ARHGAP26: variants seen among roughly 807,000 people sequenced by gnomAD.
The protein encoded by ARHGAP26 is rho GTPase-activating protein 26.
In ARHGAP26, 38 loss-of-function variants were observed where a neutral mutation model predicts 104.8. That is an observed-to-expected ratio of 0.36 (90% CI 0.28 to 0.48). The LOEUF (loss-of-function observed/expected upper bound fraction) is 0.48, where lower values mean the gene tolerates loss of function less well. Ranked by LOEUF, ARHGAP26 falls within the 20% of genes least tolerant of loss-of-function variation. The pLI, the probability that ARHGAP26 is intolerant of heterozygous loss-of-function variation, is 0.99. For missense variants in ARHGAP26, 704 were observed against 947.9 expected (o/e 0.74, Z 3.38); for synonymous variants, 341 against 340.0 (o/e 1.00, Z -0.03).
intron 1 of ARHGAP26, among the ~76,000 whole-genome samples, chr5:142,795,618 C>T (rs947176449): frequency 3.3e-5 from 5 of 152,206 alleles, no homozygotes; most frequent in South Asian, 4.1e-4. Context: ...TTGCTTCCAG[C>T]CCCAAATTCC....
At chr5:143,197,189 C>G (rs1449461675) in intron 20 of ARHGAP26, among the ~76,000 whole-genome samples, 1 of 152,272 alleles carries the variant, frequency 6.6e-6, no homozygotes, top group Middle Eastern at 3.4e-3. Flanking sequence ...TAATACATGT[C>G]TTCCAGTGTA....
At chr5:143,143,767 T>C (rs577079893) in intron 19 of ARHGAP26, among the ~76,000 whole-genome samples, 2 of 152,322 alleles carry the variant, frequency 1.3e-5, no homozygotes, top group East Asian at 3.9e-4. Flanking sequence ...ACCTGCCACG[T>C]TAATGGATGC....
chr5:142,869,446 C>T (rs1391867189), intron 1 of ARHGAP26, among the ~76,000 whole-genome samples: 1 of 151,908 alleles, frequency 6.6e-6, no homozygotes, highest in Non-Finnish European at 1.5e-5. Flanking sequence ...GTCTCGAACT[C>T]CTGACCTCAT....
intron 11 of ARHGAP26, among the ~76,000 whole-genome samples, chr5:142,942,876 G>A (rs1444771489): frequency 6.6e-6 from 1 of 152,134 alleles, no homozygotes; most frequent in South Asian, 2.1e-4. Flanking sequence ...TGCCTCCCAG[G>A]TTCAAGCAAT....
intron 1 of ARHGAP26, among the ~76,000 whole-genome samples, chr5:142,819,080 G>A (rs1357422527): frequency 6.6e-6 from 1 of 152,156 alleles, no homozygotes; most frequent in Non-Finnish European, 1.5e-5. Flanking sequence ...TTATTGCTAG[G>A]TTACTGGGAT....
At chr5:143,034,079 A>G (rs901058323) in intron 12 of ARHGAP26, among the ~76,000 whole-genome samples, 36 of 152,232 alleles carry the variant, frequency 2.4e-4, no homozygotes, top group Admixed American at 2.0e-3. Context: ...TAGGATGGCT[A>G]TAATAAAAAA....
chr5:143,014,193 A>G lies in ARHGAP26; in HGVS notation c.1144+77A>G. On this transcript the variant is annotated intron_variant, in intron 12 of 22. Transcript: ENST00000645722. ...TGAGAAGTTGCTACTCCAGGTGTGA[A>G]CCACCAGGCGGTGCTGTGGGCGTGT... is the stretch of plus-strand genomic sequence containing the variant. The G allele has an allele frequency of 9.2e-6, 14 of 1,528,822 alleles. No individual in the cohort carries two copies. The South Asian group carries it at 1.6e-4, about 17-fold the overall frequency. The allele number at this position is 1,528,822 out of a possible 1,614,324, so 94.7% of individuals were successfully genotyped here.
intron 20 of ARHGAP26, among the ~76,000 whole-genome samples, chr5:143,164,442 G>A (rs1319283757): frequency 6.6e-6 from 1 of 152,102 alleles, no homozygotes; most frequent in Admixed American, 6.5e-5. Flanking sequence ...ATTAAGTTCT[G>A]CCTTTAATTT....
At chr5:143,147,142 T>G (rs529955774) in intron 19 of ARHGAP26, 89 bp from the exon 20 acceptor site, 5 of 1,416,022 alleles carry the variant, frequency 3.5e-6, no homozygotes, top group Non-Finnish European at 4.8e-6. Context: ...CTTGATCCAG[T>G]CTTATTCTTT....
At chr5:143,076,039 A>G (rs537049843) in intron 17 of ARHGAP26, among the ~76,000 whole-genome samples, 15 of 151,876 alleles carry the variant, frequency 9.9e-5, no homozygotes, top group Non-Finnish European at 1.3e-4. Context: ...TCACTCTGTC[A>G]CCCAGGCTGG....
intron 4 of ARHGAP26, among the ~76,000 whole-genome samples, chr5:142,884,383 T>C (rs1757425344): frequency 6.6e-6 from 1 of 152,212 alleles, no homozygotes. Context: ...GATTCAGTGG[T>C]GGGGAGCAGG....
At chr5:142,975,633 T>C (rs886192908) in intron 11 of ARHGAP26, among the ~76,000 whole-genome samples, 1 of 152,166 alleles carries the variant, frequency 6.6e-6, no homozygotes, top group Non-Finnish European at 1.5e-5. Flanking sequence ...TAGATGTTTC[T>C]TGTGTGTATC....
intron 20 of ARHGAP26, among the ~76,000 whole-genome samples, chr5:143,194,961 G>A (rs1806580885): frequency 6.6e-6 from 1 of 152,094 alleles, no homozygotes; most frequent in African/African-American, 2.4e-5. Context: ...GGCCAGGTGT[G>A]GAAGATATAA....
intron 22 of ARHGAP26, among the ~76,000 whole-genome samples, chr5:143,215,319 C>T (rs1303333157): frequency 2.0e-5 from 3 of 152,222 alleles, no homozygotes; most frequent in African/African-American, 7.2e-5. Flanking sequence ...CATCATGTTT[C>T]TAACAACCAT....
At position 143,225,779 on chromosome 5, in the gene ARHGAP26, C is replaced by A. The variant is rs1469618642; in HGVS notation, c.*3333C>A. 1.3e-5 allele frequency: 3 copies of A among 229,944 alleles called. No homozygotes were observed. The highest frequency in any genetic ancestry group is 8.6e-6 in the Non-Finnish European group (1 of 115,840). 14.2% of individuals were successfully genotyped at this position (229,944 alleles called of 1,614,324 possible). ...TGCTGCCAATGGGATCTTTCAGGTA[C>A]CCCCTCCCCAGCTTCCCTGTGGCTG... On this transcript the variant is annotated 3_prime_UTR_variant, in exon 23 of 23. Coordinates refer to ENST00000645722, the MANE Select transcript of ARHGAP26 (RefSeq NM_001135608.3).
intron 11 of ARHGAP26, among the ~76,000 whole-genome samples, chr5:143,010,479 A>G (rs1778584199): frequency 6.6e-6 from 1 of 152,236 alleles, no homozygotes; most frequent in Non-Finnish European, 1.5e-5. Flanking sequence ...TAGTGCTGTG[A>G]CTGAGCCACC....
intron 12 of ARHGAP26, among the ~76,000 whole-genome samples, chr5:143,028,614 G>A (rs1781411668): frequency 6.6e-6 from 1 of 152,166 alleles, no homozygotes. Flanking sequence ...AATCCCAGTT[G>A]CTATACATTT....
chr5:142,787,758 G>A (rs749178839), intron 1 of ARHGAP26, among the ~76,000 whole-genome samples: 48 of 152,154 alleles, frequency 3.2e-4, no homozygotes, highest in Non-Finnish European at 6.2e-4. Flanking sequence ...AATTACAGAT[G>A]GATAAAATAA....
chr5:143,207,585 A>C (rs1319324812), intron 21 of ARHGAP26: 2 of 1,307,388 alleles, frequency 1.5e-6, no homozygotes, highest in Non-Finnish European at 2.1e-6. Context: ...CAGAGCTAAA[A>C]GGGACCATTT....
Sources: gnomAD v4.1 joint callset for allele counts (sites outside exome capture counted in the v4.1 genomes callset) on GRCh38, gnomAD v4.1.1 for gene constraint, MANE v1.5 for transcripts, NCBI Gene and HGNC (gene_info 2026-07-23, HGNC 2026-07-21) for gene names.